ADGRG6: variants seen among roughly 807,000 people sequenced by gnomAD.
ADGRG6 encodes G-protein coupled receptor 126.
In ADGRG6, 84 loss-of-function variants were observed where a neutral mutation model predicts 142.4. The observed-to-expected ratio is 0.59, with a 90% CI of 0.49 to 0.71. ADGRG6 has a LOEUF of 0.71. Among genes scored for constraint, ADGRG6 ranks in the 30% least tolerant of loss-of-function variants. The probability of loss-of-function intolerance (pLI) is 0.00; values close to 1 mark genes in which losing one functional copy is unlikely to be tolerated. For missense variants in ADGRG6, 1,367 were observed against 1,466.6 expected, an observed-to-expected ratio of 0.93 and a Z score of 1.11; for synonymous variants, 521 against 520.5, an observed-to-expected ratio of 1.00 and a Z score of -0.01.
At chr6:142,441,045 G>A (rs905949916) in intron 24 of ADGRG6, 8 of 595,348 alleles carry the variant, frequency 1.3e-5, no homozygotes, top group Admixed American at 7.9e-5. Context: ...TTGCTGCATC[G>A]GCAAAATGGC....
At chr6:142,331,508 A>G (rs1779062853) in intron 2 of ADGRG6, among the ~76,000 whole-genome samples, 1 of 152,198 alleles carries the variant, frequency 6.6e-6, no homozygotes. Context: ...CCCAGCAATG[A>G]CATGACCCTC....
chr6:142,314,587 T>C (rs1349172318), intron 2 of ADGRG6, among the ~76,000 whole-genome samples: 1 of 152,208 alleles, frequency 6.6e-6, no homozygotes, highest in Non-Finnish European at 1.5e-5. Context: ...GCTACAACGT[T>C]CTTGCTTTCG....
At chr6:142,320,164 G>A (rs1020084151) in intron 2 of ADGRG6, among the ~76,000 whole-genome samples, 24 of 151,966 alleles carry the variant, frequency 1.6e-4, no homozygotes, top group African/African-American at 5.8e-4. Flanking sequence ...AAGACTCTAT[G>A]CCTTAGAAGC....
chr6:142,395,189 T>A (rs1241129935), intron 9 of ADGRG6, among the ~76,000 whole-genome samples: 5 of 152,110 alleles, frequency 3.3e-5, no homozygotes, highest in African/African-American at 1.2e-4. Flanking sequence ...GGGAAACTTG[T>A]TTTTATTTTC....
intron 22 of ADGRG6, among the ~76,000 whole-genome samples, chr6:142,421,375 C>G (rs191381969): frequency 8.0e-4 from 122 of 152,272 alleles, no homozygotes; most frequent in South Asian, 2.5e-3. Flanking sequence ...GGCTCATTAT[C>G]TTTAGTCCAT....
intron 12 of ADGRG6, 120 bp downstream of exon 12, chr6:142,402,178 C>A (rs1465616559): frequency 5.4e-6 from 3 of 557,992 alleles, no homozygotes; most frequent in Non-Finnish European, 9.6e-6. Flanking sequence ...TATTAAAAGG[C>A]AAATGATTGT....
intron 2 of ADGRG6, among the ~76,000 whole-genome samples, chr6:142,323,434 CT>C (rs1310805544): frequency 6.6e-6 from 1 of 152,024 alleles, no homozygotes; most frequent in East Asian, 1.9e-4. Flanking sequence ...TAGATTAAAG[CT>C]GATTTAGCGG....
At chr6:142,350,479 C>G (rs1301556856) in intron 2 of ADGRG6, among the ~76,000 whole-genome samples, 1 of 152,138 alleles carries the variant, frequency 6.6e-6, no homozygotes, top group Non-Finnish European at 1.5e-5. Context: ...TGAAACAACT[C>G]ATAAACTCAG....
At chr6:142,319,199 G>A (rs1778398676) in intron 2 of ADGRG6, among the ~76,000 whole-genome samples, 1 of 152,140 alleles carries the variant, frequency 6.6e-6, no homozygotes. Flanking sequence ...CACTTCAGGT[G>A]CCCTGGATGC....
At chr6:142,365,426 G>A (rs1026720072) in intron 2 of ADGRG6, among the ~76,000 whole-genome samples, 1 of 152,128 alleles carries the variant, frequency 6.6e-6, no homozygotes, top group Admixed American at 6.5e-5. Flanking sequence ...CAGAGGTACT[G>A]TGCAGTGCTG....
intron 1 of ADGRG6, among the ~76,000 whole-genome samples, chr6:142,307,078 A>C (rs1777536460): frequency 6.6e-6 from 1 of 152,086 alleles, no homozygotes; most frequent in African/African-American, 2.4e-5. Context: ...AAATGCTGAA[A>C]CCTTTTATAG....
chr6:142,367,714 T>C lies in ADGRG6; in HGVS notation c.249T>C (p.Phe83=). 4 of 1,613,928 alleles carry C rather than the reference T, an allele frequency of 2.5e-6. No individual in the cohort carries two copies. Among genetic ancestry groups the C allele is most frequent in the Non-Finnish European group, 2.5e-6 (3 of 1,179,838 alleles). The change falls in exon 3 of 25, where the codon TTT becomes TTC. Residue 83 remains phenylalanine (F), a synonymous_variant. Coordinates refer to ENST00000367609, the MANE Select transcript of ADGRG6 (RefSeq NM_198569.3). ...APTGYIIQIT[F]NDFDIEEAPN... is the part of the protein sequence containing the mutation. ...CCGGTTATATCATTCAGATAACATTTAACGACTTTGACATTGAAGAAGCTC... is the reference window on the plus strand; with the variant it reads ...CCGGTTATATCATTCAGATAACATTCAACGACTTTGACATTGAAGAAGCTC...
intron 2 of ADGRG6, among the ~76,000 whole-genome samples, chr6:142,333,265 AAGAG>A (rs1779151443): frequency 2.6e-5 from 4 of 152,142 alleles, no homozygotes; most frequent in African/African-American, 7.2e-5. Flanking sequence ...TGGTTAGAAA[AAGAG>A]CACTGTCTGT....
intron 22 of ADGRG6, among the ~76,000 whole-genome samples, chr6:142,425,160 G>A (rs146984391): frequency 6.6e-6 from 1 of 152,284 alleles, no homozygotes; most frequent in Non-Finnish European, 1.5e-5. Flanking sequence ...AAACACAATA[G>A]GAAGTCTTTG....
chr6:142,392,595 GAC>G (rs745672359), intron 7 of ADGRG6, among the ~76,000 whole-genome samples: 87 of 151,976 alleles, frequency 5.7e-4, no homozygotes, highest in Non-Finnish European at 1.0e-3. Flanking sequence ...TTTCCAAACA[GAC>G]AGACTTGGGT....
intron 1 of ADGRG6, 104 bp downstream of exon 1, chr6:142,302,435 A>C (rs1318098311): frequency 1.6e-6 from 2 of 1,242,758 alleles, no homozygotes; most frequent in African/African-American, 3.0e-5. Flanking sequence ...ATGATTTTAT[A>C]AGGACTTCAA....
chr6:142,354,862 G>A (rs1213985340), intron 2 of ADGRG6, among the ~76,000 whole-genome samples: 1 of 152,148 alleles, frequency 6.6e-6, no homozygotes, highest in Non-Finnish European at 1.5e-5. Flanking sequence ...GTACAACATT[G>A]GCTGGATGGC....
chr6:142,423,321 C>T (rs1776756206), intron 22 of ADGRG6, among the ~76,000 whole-genome samples: 1 of 148,674 alleles, frequency 6.7e-6, no homozygotes, highest in Admixed American at 6.7e-5. Flanking sequence ...AATCTTTAAT[C>T]CATCTTGAAT....
chr6:142,415,343 A>ATTATATAAGGTG (rs1776298885), intron 19 of ADGRG6, among the ~76,000 whole-genome samples: 1 of 152,202 alleles, frequency 6.6e-6, no homozygotes, highest in South Asian at 2.1e-4. Context: ...GTAAGTAAAA[A>ATTATATAAGGTG]TTATATAAGG....
Sources: allele counts gnomAD v4.1 joint callset (sites outside exome capture counted in the v4.1 genomes callset), GRCh38; gene constraint gnomAD v4.1.1; transcripts MANE v1.5; gene names NCBI Gene and HGNC (gene_info 2026-07-23, HGNC 2026-07-21).